The following PTCHD4 variants were observed in gnomAD, a reference collection of about 807,000 sequenced individuals.
PTCHD4 encodes the protein patched domain containing 4.
PTCHD4 carries 33 observed loss-of-function variants against 58.1 expected under a neutral mutation model. The observed-to-expected ratio is 0.57, with a 90% CI of 0.43 to 0.76. The LOEUF (loss-of-function observed/expected upper bound fraction) is 0.76, where lower values mean the gene tolerates loss of function less well. Among genes scored for constraint, PTCHD4 ranks in the 30% least tolerant of loss-of-function variants. The probability of loss-of-function intolerance (pLI) is 0.00; values close to 1 mark genes in which losing one functional copy is unlikely to be tolerated. For synonymous variants in PTCHD4, 478 were observed against 409.6 expected (o/e 1.17, Z -2.02); for missense variants, 1,058 against 1,027.1 (o/e 1.03, Z -0.41).
chr6:48,056,825 G>GCA (rs1764421019), intron 3 of PTCHD4, among the ~76,000 whole-genome samples: 1 of 152,178 alleles, frequency 6.6e-6, no homozygotes, highest in Non-Finnish European at 1.5e-5. Flanking sequence ...AGAACTGCAA[G>GCA]CACTGGTGAC....
intron 3 of PTCHD4, among the ~76,000 whole-genome samples, chr6:48,010,835 A>C (rs1582016442): frequency 6.6e-6 from 1 of 151,934 alleles, no homozygotes; most frequent in East Asian, 1.9e-4. Flanking sequence ...CTTTTGAGTG[A>C]GTGTTTGGTT....
intron 4 of PTCHD4, among the ~76,000 whole-genome samples, chr6:47,977,767 G>A (rs942846804): frequency 6.6e-6 from 1 of 151,976 alleles, no homozygotes; most frequent in Non-Finnish European, 1.5e-5. Flanking sequence ...TTTCAACTTT[G>A]TTTTATTCCA....
At chr6:47,886,676 A>C (rs953988357) in intron 4 of PTCHD4, among the ~76,000 whole-genome samples, 1 of 152,238 alleles carries the variant, frequency 6.6e-6, no homozygotes, top group Non-Finnish European at 1.5e-5. Flanking sequence ...TCAACTGAAA[A>C]CTCAGTCCAG....
chr6:48,031,781 C>T (rs1021560115), intron 3 of PTCHD4, among the ~76,000 whole-genome samples: 6 of 152,070 alleles, frequency 3.9e-5, no homozygotes, highest in African/African-American at 1.4e-4. Flanking sequence ...GGGATGACAA[C>T]CCATTTGCTG....
chr6:48,090,440 G>A (rs1414109247), intron 1 of PTCHD4, among the ~76,000 whole-genome samples: 1 of 152,046 alleles, frequency 6.6e-6, no homozygotes, highest in Non-Finnish European at 1.5e-5. Context: ...TGTTTCTAAT[G>A]CTCACAACAA....
intron 4 of PTCHD4, among the ~76,000 whole-genome samples, chr6:47,951,577 C>T (rs898062828): frequency 1.3e-5 from 2 of 152,124 alleles, no homozygotes; most frequent in African/African-American, 4.8e-5. Context: ...ACTCAGAAAT[C>T]ATTTACTGAA....
At chr6:47,932,153 G>A (rs1364586413) in intron 4 of PTCHD4, among the ~76,000 whole-genome samples, 1 of 152,166 alleles carries the variant, frequency 6.6e-6, no homozygotes, top group African/African-American at 2.4e-5. Flanking sequence ...GGGTGTGGCA[G>A]TTGAGAACAT....
chr6:47,929,112 C>T (rs926568807), intron 4 of PTCHD4, among the ~76,000 whole-genome samples: 5 of 152,048 alleles, frequency 3.3e-5, no homozygotes, highest in Non-Finnish European at 7.4e-5. Context: ...AATAACCAGA[C>T]ATCCTATCAA....
chr6:47,857,856 C>A lies in PTCHD4; in HGVS notation c.*20447G>T, dbSNP rs79033100. The stretch of plus-strand genomic sequence containing the variant: ...AGCTGGTACTTTAACATCTACCTCC[C>A]AAAGTTAATTTCATTATAATAATTT... On this transcript the variant is annotated 3_prime_UTR_variant, in exon 5 of 5. Coordinates refer to ENST00000339488, the MANE Select transcript of PTCHD4 (RefSeq NM_001384253.1). 0.011 allele frequency among the ~76,000 whole-genome samples: 1,702 copies of A among 152,004 alleles called. 41 individuals carry two copies. Among genetic ancestry groups the A allele is most frequent in the African/African-American group, 0.038 (1,588 of 41,478 alleles).
At chr6:47,963,369 C>A (rs890243636) in intron 4 of PTCHD4, among the ~76,000 whole-genome samples, 2 of 151,938 alleles carry the variant, frequency 1.3e-5, no homozygotes, top group African/African-American at 4.8e-5. Context: ...AAAATTGGAA[C>A]CCTTGTACAC....
intron 3 of PTCHD4, among the ~76,000 whole-genome samples, chr6:48,011,963 T>C (rs1328115101): frequency 6.6e-6 from 1 of 152,202 alleles, no homozygotes; most frequent in Non-Finnish European, 1.5e-5. Context: ...TCATGGTGTT[T>C]TGGTTACTGT....
intron 3 of PTCHD4, among the ~76,000 whole-genome samples, chr6:48,027,097 G>A (rs1272788708): frequency 6.6e-6 from 1 of 151,922 alleles, no homozygotes; most frequent in East Asian, 1.9e-4. Context: ...GTTTATGTAT[G>A]TTTATACATG....
chr6:47,993,131 A>G (rs536051118), intron 4 of PTCHD4, among the ~76,000 whole-genome samples: 3 of 152,362 alleles, frequency 2.0e-5, no homozygotes, highest in Admixed American at 6.5e-5. Flanking sequence ...TAAGGCAACA[A>G]TTATACGTCA....
At position 48,073,190 on chromosome 6, in the gene PTCHD4, T is replaced by C. The variant is rs527421092; in HGVS notation, c.-969-3264A>G. ...GACCAATTAGTAACAACACATTAATTGGTTCTTTAGTTCAAACAGAATTCA... is the reference window on the plus strand; with the variant it reads ...GACCAATTAGTAACAACACATTAATCGGTTCTTTAGTTCAAACAGAATTCA... On this transcript the variant is annotated intron_variant, in intron 1 of 4. Coordinates refer to ENST00000339488, the MANE Select transcript of PTCHD4 (RefSeq NM_001384253.1). Among the ~76,000 whole-genome samples the C allele has an allele frequency of 6.6e-5, 10 of 152,260 alleles. No homozygotes were observed. In the East Asian group the frequency reaches 1.7e-3, roughly 26 times the overall value.
In PTCHD4 at chr6:47,961,246, A is replaced by G. The variant is rs116588801; in HGVS notation, c.898+47388T>C. Among the ~76,000 whole-genome samples, 1,288 of 152,216 alleles carry G rather than the reference A, an allele frequency of 8.5e-3. 13 individuals are homozygous for G. Among genetic ancestry groups the G allele is most frequent in the South Asian group, 0.032 (156 of 4,826 alleles). On this transcript the variant is annotated intron_variant, in intron 4 of 4. Transcript: ENST00000339488. ...TGTACTTTTAAATAATATACTTACA[A>G]AAGTGAAATTGTTTGTATTAATATT...
intron 4 of PTCHD4, among the ~76,000 whole-genome samples, chr6:47,950,227 A>G (rs114114390): frequency 0.048 from 7,317 of 152,156 alleles, 210 homozygotes; most frequent in African/African-American, 0.063. Context: ...GTTTTACTTG[A>G]AAAGCTCCTG....
At position 48,095,411 on chromosome 6, in the gene PTCHD4, C is replaced by T. The variant is rs116199972; in HGVS notation, c.-970+15638G>A. Among the ~76,000 whole-genome samples, 633 of 152,280 alleles carry T rather than the reference C, an allele frequency of 4.2e-3. 5 individuals carry two copies. Among genetic ancestry groups the T allele is most frequent in the African/African-American group, 0.014 (598 of 41,556 alleles). On this transcript the variant is annotated intron_variant, in intron 1 of 4. Transcript: ENST00000339488. ...TTAAAAAAGAAATATAGGTCAGGCG[C>T]TGTGGCTCACGCCTGTAATCCCAGC...
In PTCHD4 at chr6:47,866,334, T is replaced by C. The variant is rs1422531435; in HGVS notation, c.*11969A>G. On this transcript the variant is annotated 3_prime_UTR_variant, in exon 5 of 5. Transcript: ENST00000339488. ...GAAGTACTGAGGTTGGGTCTCGCTA[T>C]AGGATATATTGATTTAAGTAGTCTG... Among the ~76,000 whole-genome samples the C allele has an allele frequency of 6.6e-6, 1 of 151,888 alleles. No homozygotes were observed. The highest frequency in any genetic ancestry group is 1.9e-4 in the East Asian group (1 of 5,160).
intron 4 of PTCHD4, among the ~76,000 whole-genome samples, chr6:47,911,913 T>C (rs748686246): frequency 6.6e-6 from 1 of 152,016 alleles, no homozygotes; most frequent in Non-Finnish European, 1.5e-5. Context: ...CAATTCAATA[T>C]TTAGAAGGTG....
Sources: gnomAD v4.1 joint callset for allele counts (sites outside exome capture counted in the v4.1 genomes callset) on GRCh38, gnomAD v4.1.1 for gene constraint, MANE v1.5 for transcripts, NCBI Gene and HGNC (gene_info 2026-07-23, HGNC 2026-07-21) for gene names.